SLC35F4: variants seen among roughly 807,000 people sequenced by gnomAD.
SLC35F4 encodes the protein chromosome 14 open reading frame 36.
In SLC35F4, 24 loss-of-function variants were observed where a neutral mutation model predicts 44.2. That is an observed-to-expected ratio of 0.54 (90% confidence interval 0.39 to 0.76). The LOEUF (loss-of-function observed/expected upper bound fraction) is 0.76. Ranked by LOEUF, SLC35F4 falls within the 30% of genes least tolerant of loss-of-function variation. The pLI is 0.00. For synonymous variants in SLC35F4, 238 were observed against 223.6 expected (o/e 1.06, Z -0.57); for missense variants, 562 against 586.1 (o/e 0.96, Z 0.42).
At chr14:57,729,374 C>T (rs374800183) in intron 1 of SLC35F4, among the ~76,000 whole-genome samples, 21 of 152,226 alleles carry the variant, frequency 1.4e-4, no homozygotes, top group African/African-American at 4.8e-4. Flanking sequence ...CAGCATGTCT[C>T]AGAGCCCAAG....
chr14:57,765,919 G>C (rs1566834096), intron 1 of SLC35F4, among the ~76,000 whole-genome samples: 1 of 152,200 alleles, frequency 6.6e-6, no homozygotes, highest in Non-Finnish European at 1.5e-5. Context: ...GCAATGGTAA[G>C]TGCTTCCCTA....
At chr14:57,625,438 T>G (rs542751261) in intron 1 of SLC35F4, among the ~76,000 whole-genome samples, 1 of 152,258 alleles carries the variant, frequency 6.6e-6, no homozygotes, top group South Asian at 2.1e-4. Flanking sequence ...CTTGAAAGAA[T>G]TGGAAAAAAC....
intron 1 of SLC35F4, among the ~76,000 whole-genome samples, chr14:57,715,747 G>T (rs1475865955): frequency 6.6e-6 from 1 of 152,200 alleles, no homozygotes; most frequent in South Asian, 2.1e-4. Context: ...GAGATGGACT[G>T]GGAAGGGAGG....
intron 1 of SLC35F4, among the ~76,000 whole-genome samples, chr14:57,666,051 G>A (rs1225054826): frequency 6.6e-6 from 1 of 152,132 alleles, no homozygotes; most frequent in African/African-American, 2.4e-5. Flanking sequence ...GAAATAATCT[G>A]TACAACAGAC....
intron 1 of SLC35F4, among the ~76,000 whole-genome samples, chr14:57,687,819 T>C (rs189667798): frequency 5.0e-4 from 76 of 152,308 alleles, no homozygotes; most frequent in Non-Finnish European, 9.6e-4. Flanking sequence ...TTCATCAATG[T>C]CCTAAAATGT....
At chr14:57,575,356 C>A (rs2068727850) in intron 4 of SLC35F4, among the ~76,000 whole-genome samples, 1 of 152,156 alleles carries the variant, frequency 6.6e-6, no homozygotes. Flanking sequence ...TGGCACATGC[C>A]TGTAATACCG....
intron 1 of SLC35F4, among the ~76,000 whole-genome samples, chr14:57,665,747 G>C (rs1479098117): frequency 1.3e-5 from 2 of 152,178 alleles, no homozygotes; most frequent in Non-Finnish European, 2.9e-5. Flanking sequence ...ACCAATGATA[G>C]ACTGGCTAAA....
chr14:57,573,670 G>A (rs1685359603), intron 4 of SLC35F4, among the ~76,000 whole-genome samples: 2 of 151,938 alleles, frequency 1.3e-5, no homozygotes, highest in South Asian at 4.2e-4. Flanking sequence ...CTTGATTTGG[G>A]GATTTGCAAC....
At chr14:57,879,050 A>C (rs1228684776) in intron 1 of SLC35F4, among the ~76,000 whole-genome samples, 2 of 152,150 alleles carry the variant, frequency 1.3e-5, no homozygotes, top group East Asian at 3.9e-4. Context: ...CTCAGAAAAC[A>C]AGTCATGATC....
At chr14:57,614,180 T>C (rs201231886) in intron 1 of SLC35F4, among the ~76,000 whole-genome samples, 3 of 106,480 alleles carry the variant, frequency 2.8e-5, no homozygotes, top group Non-Finnish European at 6.6e-5. Context: ...GGGAAACACA[T>C]AAAATAAAAT....
intron 1 of SLC35F4, among the ~76,000 whole-genome samples, chr14:57,737,464 G>A (rs1341866469): frequency 1.3e-5 from 2 of 152,038 alleles, no homozygotes; most frequent in African/African-American, 4.8e-5. Context: ...TGTGAACTGG[G>A]GCACTTAAAA....
chr14:57,852,052 C>T (rs777357738), intron 1 of SLC35F4, among the ~76,000 whole-genome samples: 10 of 152,142 alleles, frequency 6.6e-5, no homozygotes, highest in Admixed American at 2.0e-4. Context: ...CGGTGCTGAA[C>T]GAAATAGATC....
intron 4 of SLC35F4, among the ~76,000 whole-genome samples, chr14:57,573,138 T>C (rs1290488480): frequency 1.3e-5 from 2 of 152,166 alleles, no homozygotes. Flanking sequence ...TAGTGAATTG[T>C]TTTTTATAAC....
At chr14:57,834,265 T>C (rs1340360714) in intron 1 of SLC35F4, among the ~76,000 whole-genome samples, 1 of 152,218 alleles carries the variant, frequency 6.6e-6, no homozygotes, top group African/African-American at 2.4e-5. Context: ...CAAACAAAAC[T>C]AACTCCTGCA....
intron 1 of SLC35F4, among the ~76,000 whole-genome samples, chr14:57,933,868 C>CAA (rs540231701): frequency 0.013 from 1,989 of 151,290 alleles, 36 homozygotes; most frequent in African/African-American, 0.045. Flanking sequence ...GCACCTGGAG[C>CAA]AAAAAAAAGT....
chr14:57,728,101 C>T (rs1594898274), intron 1 of SLC35F4, among the ~76,000 whole-genome samples: 1 of 152,156 alleles, frequency 6.6e-6, no homozygotes, highest in Middle Eastern at 3.4e-3. Context: ...GCATTATTTC[C>T]CCTTGCTAAG....
intron 1 of SLC35F4, 80 bp downstream of exon 1, chr14:57,865,643 G>T: frequency 8.1e-7 from 1 of 1,231,740 alleles, no homozygotes; most frequent in Non-Finnish European, 1.1e-6. Context: ...CCGCGCGCCC[G>T]CCCGTCCGCA....
chr14:57,738,800 A>T (rs1348950404), intron 1 of SLC35F4, among the ~76,000 whole-genome samples: 1 of 130,840 alleles, frequency 7.6e-6, no homozygotes, highest in Non-Finnish European at 1.7e-5. Flanking sequence ...CTTCATATGT[A>T]TACATGTATA....
At chr14:57,843,493 A>G (rs778553576) in intron 1 of SLC35F4, among the ~76,000 whole-genome samples, 4 of 152,084 alleles carry the variant, frequency 2.6e-5, no homozygotes, top group African/African-American at 7.2e-5. Context: ...CAAAGCACCC[A>G]AAGGACAGGG....
Sources: allele counts gnomAD v4.1 joint callset (sites outside exome capture counted in the v4.1 genomes callset), GRCh38; gene constraint gnomAD v4.1.1; transcripts MANE v1.5; gene names NCBI Gene and HGNC (gene_info 2026-07-23, HGNC 2026-07-21).